The following CBLB variants were observed in gnomAD, a reference collection of about 807,000 sequenced individuals.
CBLB encodes Cbl proto-oncogene B, also known as E3 ubiquitin-protein ligase CBL-B.
A neutral mutation model predicts 104.9 loss-of-function variants in CBLB; 31 were observed. That is an observed-to-expected ratio of 0.30 (90% CI 0.22 to 0.40). CBLB has a LOEUF of 0.40. CBLB is among the 10% of genes least tolerant of loss of function. CBLB has a pLI of 1.00. For missense variants in CBLB, 1,062 were observed against 1,214.6 expected, an observed-to-expected ratio of 0.87 and a Z score of 1.87; for synonymous variants, 440 against 422.6, an observed-to-expected ratio of 1.04 and a Z score of -0.51.
At chr3:105,760,924 A>C (rs2077559286) in intron 4 of CBLB, among the ~76,000 whole-genome samples, 1 of 152,248 alleles carries the variant, frequency 6.6e-6, no homozygotes, top group Non-Finnish European at 1.5e-5. Context: ...TGCATTTCCT[A>C]TTAATAACCA....
chr3:105,673,328 C>T (rs1349557254), intron 17 of CBLB: 1 of 152,174 alleles, frequency 6.6e-6, no homozygotes, highest in East Asian at 1.9e-4. Context: ...CTCAGCCTCC[C>T]AAAGTGCTGG....
chr3:105,727,217 GTTTCCTGACT>G (rs1308278963), intron 9 of CBLB, among the ~76,000 whole-genome samples: 1 of 152,134 alleles, frequency 6.6e-6, no homozygotes. Flanking sequence ...AGCATCTGTT[GTTTCCTGACT>G]TTTCAATGAT....
chr3:105,859,321 T>C (rs1264666837), intron 2 of CBLB, among the ~76,000 whole-genome samples: 3 of 152,210 alleles, frequency 2.0e-5, no homozygotes, highest in Non-Finnish European at 4.4e-5. Context: ...TCAAGTCATA[T>C]ACTCTCAAGT....
chr3:105,690,077 A>G (rs576612867), intron 13 of CBLB, among the ~76,000 whole-genome samples: 2 of 152,230 alleles, frequency 1.3e-5, no homozygotes, highest in Non-Finnish European at 2.9e-5. Flanking sequence ...AGAGTAAACA[A>G]TATCAAATAT....
chr3:105,868,430 C>G (rs1426527867), intron 1 of CBLB: 1 of 386,000 alleles, frequency 2.6e-6, no homozygotes, highest in Non-Finnish European at 4.5e-6. Context: ...GACAAAGTGT[C>G]CCTCCCGTGC....
chr3:105,687,156 T>C (rs978116592), intron 13 of CBLB, among the ~76,000 whole-genome samples: 2 of 152,164 alleles, frequency 1.3e-5, no homozygotes, highest in Non-Finnish European at 2.9e-5. Flanking sequence ...GATACTTTCA[T>C]TTATAATGAA....
Position 105,656,301 on chromosome 3 carries a change from C to A in CBLB, c.*2669G>T, listed in dbSNP as rs1013887562. On this transcript the variant is annotated 3_prime_UTR_variant, in exon 19 of 19. Coordinates refer to ENST00000394030, the MANE Select transcript of CBLB (RefSeq NM_170662.5). ...ATGCTGACTTAAAAAAAAATTGTTA[C>A]CAAATCTTGAGAAATGGAAGGAATG... The A allele has an allele frequency of 3.9e-5, 8 of 206,736 alleles. No individual in the cohort carries two copies. Among genetic ancestry groups the A allele is most frequent in the Non-Finnish European group, 6.9e-5 (7 of 101,556 alleles). The allele number at this position is 206,736 out of a possible 1,614,324, so 12.8% of individuals were successfully genotyped here.
intron 3 of CBLB, among the ~76,000 whole-genome samples, chr3:105,840,795 C>T (rs1014017875): frequency 2.0e-5 from 3 of 151,650 alleles, no homozygotes; most frequent in Admixed American, 1.3e-4. Context: ...CCTTCCTTAC[C>T]TACTGAAACC....
At chr3:105,854,643 GTTTT>G (rs2091376061) in intron 2 of CBLB, among the ~76,000 whole-genome samples, 1 of 137,656 alleles carries the variant, frequency 7.3e-6, no homozygotes, top group African/African-American at 2.7e-5. Context: ...TTATTTTATT[GTTTT>G]TTTAAGACGG....
intron 3 of CBLB, among the ~76,000 whole-genome samples, chr3:105,814,780 C>A (rs1341957439): frequency 2.6e-5 from 4 of 152,112 alleles, no homozygotes; most frequent in Non-Finnish European, 5.9e-5. Flanking sequence ...CATAAACACA[C>A]CTCTGGTCAT....
chr3:105,745,130 G>A lies in CBLB; in HGVS notation c.845+787C>T, dbSNP rs138339726. The stretch of plus-strand genomic sequence containing the variant: ...ATAGCATCTGAAATGTGAGGACTCT[G>A]ACAAGCAGGTCTCTAATATCCCTAC... On this transcript the variant is annotated intron_variant, in intron 6 of 18. Coordinates refer to ENST00000394030, the MANE Select transcript of CBLB (RefSeq NM_170662.5). Among the ~76,000 whole-genome samples, 423 of 152,284 alleles carry A rather than the reference G, an allele frequency of 2.8e-3. 6 individuals are homozygous for A. The highest frequency in any genetic ancestry group is 8.7e-3 in the African/African-American group (363 of 41,556).
chr3:105,848,823 T>C (rs1235450654), intron 3 of CBLB, among the ~76,000 whole-genome samples: 1 of 152,144 alleles, frequency 6.6e-6, no homozygotes, highest in East Asian at 1.9e-4. Context: ...AACAATTCTG[T>C]AGTGAATTTA....
At chr3:105,759,253 T>C (rs982407502) in intron 4 of CBLB, among the ~76,000 whole-genome samples, 3 of 152,104 alleles carry the variant, frequency 2.0e-5, no homozygotes, top group African/African-American at 7.2e-5. Flanking sequence ...TCTGGAGTTT[T>C]TCATGGGCTC....
chr3:105,801,865 C>T (rs1433393117), intron 3 of CBLB, among the ~76,000 whole-genome samples: 2 of 152,156 alleles, frequency 1.3e-5, no homozygotes, highest in Non-Finnish European at 2.9e-5. Flanking sequence ...CCTGTCAACA[C>T]GACACTTTGA....
intron 3 of CBLB, among the ~76,000 whole-genome samples, chr3:105,809,912 T>C (rs2084047752): frequency 6.6e-6 from 1 of 152,170 alleles, no homozygotes; most frequent in Admixed American, 6.6e-5. Context: ...AGATGGGACA[T>C]TTAGAAACAG....
intron 4 of CBLB, among the ~76,000 whole-genome samples, chr3:105,760,586 C>T (rs1406065669): frequency 2.0e-5 from 3 of 151,784 alleles, no homozygotes; most frequent in African/African-American, 7.3e-5. Context: ...TTAAAATGAT[C>T]CTCCCTTTAG....
chr3:105,687,607 G>GA (rs1223502224), intron 13 of CBLB, among the ~76,000 whole-genome samples: 4 of 151,696 alleles, frequency 2.6e-5, no homozygotes, highest in Non-Finnish European at 5.9e-5. Context: ...ATCTAAATAT[G>GA]AAAAAAATAC....
chr3:105,825,521 A>G (rs1259489262), intron 3 of CBLB, among the ~76,000 whole-genome samples: 2 of 152,240 alleles, frequency 1.3e-5, no homozygotes, highest in South Asian at 2.1e-4. Context: ...TCAGTAACTC[A>G]TAATTGTCCT....
intron 2 of CBLB, among the ~76,000 whole-genome samples, chr3:105,859,662 CAAAAAAAAAAAA>C (rs33981342): frequency 1.1e-5 from 1 of 94,206 alleles, no homozygotes; most frequent in South Asian, 3.5e-4. Context: ...GACTCCGTGT[CAAAAAAAAAAAA>C]AAAAAAAAGA....
Sources: gnomAD v4.1 joint callset for allele counts (sites outside exome capture counted in the v4.1 genomes callset) on GRCh38, gnomAD v4.1.1 for gene constraint, MANE v1.5 for transcripts, NCBI Gene and HGNC (gene_info 2026-07-23, HGNC 2026-07-21) for gene names.